The following CFTR variants were observed in gnomAD, a reference collection of about 807,000 sequenced individuals.
CFTR encodes the protein CF transmembrane conductance regulator, also known as cystic fibrosis transmembrane conductance regulator.
CFTR carries 181 observed loss-of-function variants against 171.6 expected under a neutral mutation model. That is an observed-to-expected ratio of 1.05 (90% CI 0.93 to 1.19). The LOEUF (loss-of-function observed/expected upper bound fraction) is 1.19, where lower values mean the gene tolerates loss of function less well. CFTR is among the 50% of genes most tolerant of loss of function. CFTR has a pLI of 0.00. For synonymous variants in CFTR, 583 were observed against 608.0 expected (o/e 0.96, Z 0.60); for missense variants, 1,968 against 1,734.7 (o/e 1.13, Z -2.39).
chr7:117,641,719 A>T (rs145641203), intron 22 of CFTR, among the ~76,000 whole-genome samples: 1 of 152,206 alleles, frequency 6.6e-6, no homozygotes, highest in South Asian at 2.1e-4. Flanking sequence ...CATGCAGTGC[A>T]TGGTGCTCTC....
At chr7:117,484,434 T>C (rs1264889948) in intron 1 of CFTR, among the ~76,000 whole-genome samples, 1 of 152,188 alleles carries the variant, frequency 6.6e-6, no homozygotes, top group Non-Finnish European at 1.5e-5. Context: ...CTATAGGAAT[T>C]GGAGGGGCCC....
chr7:117,611,683 C>G lies in CFTR; in HGVS notation c.3242C>G (p.Ala1081Gly), dbSNP rs1371904930. 3.7e-6 allele frequency: 6 copies of G among 1,613,412 alleles called. No individual in the cohort carries two copies. Among genetic ancestry groups the G allele is most frequent in the Non-Finnish European group, 8.5e-7 (1 of 1,179,558 alleles). ...TACTTTGAAACTCTGTTCCACAAAG[C>G]TCTGAATTTACATACTGCCAACTGG... ...QPYFETLFHK[A>G]LNLHTANWFL... Residue 1081 changes from alanine to glycine, a missense_variant, in exon 20 of 27, where the codon GCT becomes GGT. Ala to Gly is a moderately conservative substitution (Grantham distance 60). Coordinates refer to ENST00000003084, the MANE Select transcript of CFTR (RefSeq NM_000492.4).
In CFTR at chr7:117,592,011, A is replaced by C; in HGVS notation, c.1844A>C (p.Lys615Thr). The part of the protein sequence containing the change: ...SKMEHLKKAD[K>T]ILILHEGSSY... ...ATGGAACATTTAAAGAAAGCTGACA[A>C]AATATTAATTTTGCATGAAGGTAGC... The change falls in exon 14 of 27, where the codon AAA becomes ACA. Residue 615 changes from lysine to threonine, a missense_variant. Physicochemically the swap from Lys to Thr is moderately conservative, Grantham distance 78. Coordinates refer to ENST00000003084, the MANE Select transcript of CFTR (RefSeq NM_000492.4). 6.3e-7 allele frequency: 1 copy of C among 1,592,744 alleles called. No individual in the cohort carries two copies. Among genetic ancestry groups the C allele is most frequent in the Non-Finnish European group, 8.5e-7 (1 of 1,174,468 alleles).
intron 11 of CFTR, among the ~76,000 whole-genome samples, chr7:117,584,426 G>A (rs1200734290): frequency 6.6e-6 from 1 of 151,970 alleles, no homozygotes; most frequent in Non-Finnish European, 1.5e-5. Context: ...TATTAGATAG[G>A]GTATCCTGTC....
In CFTR at chr7:117,621,323, G is replaced by A. The variant is rs527958068; in HGVS notation, c.3469-6199G>A. ...GATTTTCTGTGAGTCATAGCAGAGGGCTCAGCAAACTTTTTCTATAAATGC... is the reference window on the plus strand; with the variant it reads ...GATTTTCTGTGAGTCATAGCAGAGGACTCAGCAAACTTTTTCTATAAATGC... On this transcript the variant is annotated intron_variant, in intron 21 of 26. Transcript: ENST00000003084. Among the ~76,000 whole-genome samples the A allele has an allele frequency of 5.9e-5, 9 of 152,242 alleles. No homozygotes were observed. The Middle Eastern group carries it at 0.014, about 230-fold the overall frequency.
intron 15 of CFTR, among the ~76,000 whole-genome samples, chr7:117,599,985 C>T (rs1792197839): frequency 6.6e-6 from 1 of 151,932 alleles, no homozygotes; most frequent in Non-Finnish European, 1.5e-5. Flanking sequence ...ACATTTATTC[C>T]TTGGTGTAAG....
chr7:117,618,103 CT>C (rs1792520823), intron 21 of CFTR, among the ~76,000 whole-genome samples: 9 of 152,170 alleles, frequency 5.9e-5, no homozygotes, highest in Admixed American at 5.9e-4. Context: ...TTCTACCTCT[CT>C]GGCTCTTCCT....
intron 22 of CFTR, among the ~76,000 whole-genome samples, chr7:117,633,438 T>C (rs989230527): frequency 6.6e-6 from 1 of 152,140 alleles, no homozygotes; most frequent in African/African-American, 2.4e-5. Flanking sequence ...TCTACATAGA[T>C]TATCATCATC....
chr7:117,601,510 G>GT lies in CFTR; in HGVS notation c.2620-1307dup, dbSNP rs960665733. On this transcript the variant is annotated intron_variant, in intron 15 of 26. Coordinates refer to ENST00000003084, the MANE Select transcript of CFTR (RefSeq NM_000492.4). ...TCTTAATTTAAGTGTTCCCCATAAG[G>GT]TTTTTTTTTATATAAACTTAAGTAC... Among the ~76,000 whole-genome samples the GT allele has an allele frequency of 1.4e-3, 212 of 150,954 alleles. 1 individual carries two copies. The highest frequency in any genetic ancestry group is 4.1e-3 in the African/African-American group (169 of 41,198).
intron 22 of CFTR, among the ~76,000 whole-genome samples, chr7:117,628,834 A>C (rs1382078902): frequency 6.6e-6 from 1 of 152,144 alleles, no homozygotes; most frequent in East Asian, 1.9e-4. Flanking sequence ...TATTCATATC[A>C]GTGAATACCA....
intron 22 of CFTR, among the ~76,000 whole-genome samples, chr7:117,638,857 T>A (rs1359582913): frequency 6.6e-6 from 1 of 152,156 alleles, no homozygotes; most frequent in Non-Finnish European, 1.5e-5. Context: ...TTAGAACTTA[T>A]AACAGCATCT....
rs761102525 is a variant in CFTR, at chr7:117,536,574, A to C, written c.770A>C (p.Glu257Ala). 1.2e-6 allele frequency: 2 copies of C among 1,601,690 alleles called. No individual in the cohort carries two copies. Among genetic ancestry groups the C allele is most frequent in the Non-Finnish European group, 8.5e-7 (1 of 1,173,050 alleles). The change falls in exon 7 of 27, where the codon GAA (glutamate) becomes GCA (alanine). Residue 257 changes from glutamate (E) to alanine (A), a missense_variant. Glu to Ala is a moderately radical substitution (Grantham distance 107, BLOSUM62 -1). Transcript: ENST00000003084. ...GATCAGAGAGCTGGGAAGATCAGTG[A>C]AAGACTTGTGATTACCTCAGAAATG... is the stretch of plus-strand genomic sequence containing the variant. ...YRDQRAGKISERLVITSEMIE... is the reference protein window; with the variant it reads ...YRDQRAGKISARLVITSEMIE...
rs369294289 is a variant in CFTR, at chr7:117,587,851, G to A, written c.1679+18G>A. On this transcript the variant is annotated intron_variant, in intron 12 of 26. Coordinates refer to ENST00000003084, the MANE Select transcript of CFTR (RefSeq NM_000492.4). Reference sequence around the variant, plus strand: ...TTAGCAAGGTGAATAACTAATTATTGGTCTAGCAAGCATTTGCTGTAAATG... The same window carrying A: ...TTAGCAAGGTGAATAACTAATTATTAGTCTAGCAAGCATTTGCTGTAAATG... The A allele has an allele frequency of 9.2e-5, 129 of 1,401,220 alleles. No individual in the cohort carries two copies. The highest frequency in any genetic ancestry group is 1.3e-4 in the Non-Finnish European group (125 of 986,256). The allele number at this position is 1,401,220 out of a possible 1,614,324, so 86.8% of individuals were successfully genotyped here. A position where few individuals can be genotyped will look rare whatever the true frequency, so the allele number is the denominator to read the frequency against.
At chr7:117,512,481 C>T (rs1798534031) in intron 3 of CFTR, among the ~76,000 whole-genome samples, 1 of 151,750 alleles carries the variant, frequency 6.6e-6, no homozygotes, top group Admixed American at 6.6e-5. Context: ...CAAAAATCAG[C>T]CAGGTGTGGT....
At chr7:117,609,060 T>C (rs1792342893) in intron 18 of CFTR, among the ~76,000 whole-genome samples, 1 of 152,164 alleles carries the variant, frequency 6.6e-6, no homozygotes, top group Non-Finnish European at 1.5e-5. Flanking sequence ...TGTTGATTAG[T>C]ATCTCCCCAT....
At chr7:117,489,635 A>G (rs1798125391) in intron 1 of CFTR, among the ~76,000 whole-genome samples, 1 of 151,970 alleles carries the variant, frequency 6.6e-6, no homozygotes, top group Non-Finnish European at 1.5e-5. Context: ...TGACATGCTC[A>G]CTAATGCAGT....
chr7:117,616,711 A>G (rs1446140628), intron 21 of CFTR, among the ~76,000 whole-genome samples: 1 of 152,058 alleles, frequency 6.6e-6, no homozygotes, highest in African/African-American at 2.4e-5. Context: ...GCATTGAAGG[A>G]TCTTTGCAAG....
intron 2 of CFTR, 107 bp downstream of exon 2, chr7:117,504,470 G>A (rs1798384022): frequency 1.4e-6 from 1 of 714,924 alleles, no homozygotes; most frequent in Non-Finnish European, 2.4e-6. Flanking sequence ...TTTAAAAATA[G>A]GAGCCAAGTA....
In CFTR at chr7:117,595,901, GTAAA is replaced by G. The variant is rs1320872109; in HGVS notation, c.2619+852_2619+855del. The stretch of plus-strand genomic sequence containing the variant: ...ACCCTATCTCTAAATAAATAAATAA[GTAAA>G]TAAATAAACAGCAACAACAAAAACA... On this transcript the variant is annotated intron_variant, in intron 15 of 26. Coordinates refer to ENST00000003084, the MANE Select transcript of CFTR (RefSeq NM_000492.4). 5.3e-5 allele frequency among the ~76,000 whole-genome samples: 8 copies of G among 152,208 alleles called. No homozygotes were observed. In the South Asian group the frequency reaches 1.2e-3, roughly 24 times the overall value.
Sources: gnomAD v4.1 joint callset for allele counts (sites outside exome capture counted in the v4.1 genomes callset) on GRCh38, gnomAD v4.1.1 for gene constraint, MANE v1.5 for transcripts, NCBI Gene and HGNC (gene_info 2026-07-23, HGNC 2026-07-21) for gene names.